Variants in RBFOX3 observed in about 807,000 individuals in gnomAD.
RBFOX3 encodes the protein RNA binding protein fox-1 homolog 3.
RBFOX3 carries 17 observed loss-of-function variants against 48.7 expected under a neutral mutation model. The ratio of observed to expected loss-of-function variants is 0.35; its 90% confidence interval spans 0.24 to 0.52. The LOEUF is 0.52. Among genes scored for constraint, RBFOX3 ranks in the 20% least tolerant of loss-of-function variants. The probability of loss-of-function intolerance (pLI) is 0.94; values close to 1 mark genes in which losing one functional copy is unlikely to be tolerated. For missense variants in RBFOX3, 382 were observed against 497.5 expected, an observed-to-expected ratio of 0.77 and a Z score of 2.21; for synonymous variants, 212 against 209.5, an observed-to-expected ratio of 1.01 and a Z score of -0.10.
chr17:79,177,337 A>G (rs2050793958), intron 4 of RBFOX3, among the ~76,000 whole-genome samples: 2 of 152,198 alleles, frequency 1.3e-5, no homozygotes, highest in African/African-American at 4.8e-5. Context: ...CACCTCCTCC[A>G]AGGACGGCAG....
At chr17:79,607,210 G>A (rs1462959114) in intron 1 of RBFOX3, among the ~76,000 whole-genome samples, 3 of 152,118 alleles carry the variant, frequency 2.0e-5, no homozygotes, top group Admixed American at 6.5e-5. Flanking sequence ...CAACAAACGG[G>A]TCTCTGTTGA....
At chr17:79,542,399 A>G (rs956835290) in intron 1 of RBFOX3, among the ~76,000 whole-genome samples, 4 of 152,220 alleles carry the variant, frequency 2.6e-5, no homozygotes, top group Non-Finnish European at 5.9e-5. Flanking sequence ...CTAGATGAGG[A>G]AATCAGGAAG....
At chr17:79,385,339 CA>C (rs1355647446) in intron 2 of RBFOX3, among the ~76,000 whole-genome samples, 7 of 152,212 alleles carry the variant, frequency 4.6e-5, no homozygotes, top group Non-Finnish European at 1.5e-5. Flanking sequence ...CATGGGAAGT[CA>C]GGCAAGACCC....
At chr17:79,105,626 G>C (rs1343766263) in intron 6 of RBFOX3, among the ~76,000 whole-genome samples, 4 of 152,216 alleles carry the variant, frequency 2.6e-5, no homozygotes, top group Non-Finnish European at 5.9e-5. Flanking sequence ...GATCACGTCA[G>C]GGGGTAGGTG....
rs979149225 is a variant in RBFOX3 at position 79,582,464 on chromosome 17, G to A, written c.-320+28362C>T. 7.9e-3 allele frequency among the ~76,000 whole-genome samples: 1,208 copies of A among 152,282 alleles called. 18 individuals carry two copies. Among genetic ancestry groups the A allele is most frequent in the African/African-American group, 0.028 (1,149 of 41,548 alleles). ...CTTTGTCCATCCCTGATGACTTGGG[G>A]AAGGGGAAGACAAGATCTTTCTCTT... On this transcript the variant is annotated intron_variant, in intron 1 of 14. Coordinates refer to ENST00000693108, the MANE Select transcript of RBFOX3 (RefSeq NM_001350451.2).
At position 79,362,480 on chromosome 17, in the gene RBFOX3, G is replaced by T. The variant is rs115925967; in HGVS notation, c.-174-54656C>A. ...GCGGTGGGCGTGGAAGGCCACCTGC[G>T]CTGGGCCTGGATGGCACTAGGCTGA... On this transcript the variant is annotated intron_variant, in intron 2 of 14. Coordinates refer to ENST00000693108, the MANE Select transcript of RBFOX3 (RefSeq NM_001350451.2). The surrounding 1 kb of genome is among the most constrained non-coding windows in gnomAD (Gnocchi z 4.2). Among the ~76,000 whole-genome samples, 1 of 152,140 alleles carries T rather than the reference G, an allele frequency of 6.6e-6. No homozygotes were observed. The highest frequency in any genetic ancestry group is 2.1e-4 in the South Asian group (1 of 4,824).
chr17:79,478,397 C>T (rs2078277450), intron 2 of RBFOX3, among the ~76,000 whole-genome samples: 1 of 152,042 alleles, frequency 6.6e-6, no homozygotes, highest in East Asian at 1.9e-4. Context: ...GCGGCAGCTC[C>T]CGCTCCCATC....
At chr17:79,193,122 G>C (rs987633653) in intron 4 of RBFOX3, among the ~76,000 whole-genome samples, 1 of 152,240 alleles carries the variant, frequency 6.6e-6, no homozygotes, top group Non-Finnish European at 1.5e-5. Flanking sequence ...TCACTTGCTC[G>C]GTGGGGGCAG....
At position 79,220,378 on chromosome 17, in the gene RBFOX3, G is replaced by T. The variant is rs1196506369; in HGVS notation, c.-34+15388C>A. Among the ~76,000 whole-genome samples the T allele has an allele frequency of 6.6e-6, 1 of 152,046 alleles. No individual in the cohort carries two copies. Among genetic ancestry groups the T allele is most frequent in the Non-Finnish European group, 1.5e-5 (1 of 68,010 alleles). On this transcript the variant is annotated intron_variant, in intron 4 of 14. Transcript: ENST00000693108. The surrounding 1 kb of genome is among the most constrained non-coding windows in gnomAD (Gnocchi z 5.9). ...CGGCTCTCCTCTCTGCCTCCCGCTC[G>T]CTCCTGCTCACTCCAGGTCCTCTCT...
At chr17:79,417,614 T>C (rs1341734976) in intron 2 of RBFOX3, among the ~76,000 whole-genome samples, 2 of 152,116 alleles carry the variant, frequency 1.3e-5, no homozygotes, top group African/African-American at 2.4e-5. Context: ...CCCTCATGCA[T>C]TGCTGGTGGG....
chr17:79,211,250 G>C (rs1352448899), intron 4 of RBFOX3, among the ~76,000 whole-genome samples: 4 of 152,202 alleles, frequency 2.6e-5, no homozygotes, highest in Non-Finnish European at 4.4e-5. Flanking sequence ...TCCGTCGTGG[G>C]GAGGCACAAG....
chr17:79,096,620 T>TGCCCCCCC, intron 12 of RBFOX3, 33 bp downstream of exon 12: 1 of 1,502,346 alleles, frequency 6.7e-7, no homozygotes, highest in Non-Finnish European at 9.1e-7. Context: ...GAACGCCTGA[T>TGCCCCCCC]CCCACCCTCC....
chr17:79,268,602 C>T (rs2067142099), intron 3 of RBFOX3, among the ~76,000 whole-genome samples: 1 of 152,178 alleles, frequency 6.6e-6, no homozygotes, highest in African/African-American at 2.4e-5. Flanking sequence ...ACCCCAAGCC[C>T]CTGGCCTGCA....
chr17:79,377,480 G>A (rs906973715), intron 2 of RBFOX3, among the ~76,000 whole-genome samples: 2 of 152,282 alleles, frequency 1.3e-5, no homozygotes, highest in African/African-American at 4.8e-5. Context: ...CACACACCAT[G>A]CTCAGCGACA....
chr17:79,537,083 CAAACA>C (rs1157121055), intron 1 of RBFOX3, among the ~76,000 whole-genome samples: 6 of 139,430 alleles, frequency 4.3e-5, no homozygotes, highest in Admixed American at 3.7e-4. Flanking sequence ...GACTCCGTCT[CAAACA>C]AAACAAAACA....
intron 2 of RBFOX3, among the ~76,000 whole-genome samples, chr17:79,416,329 C>A (rs2065348532): frequency 6.6e-6 from 1 of 152,236 alleles, no homozygotes; most frequent in Non-Finnish European, 1.5e-5. Flanking sequence ...ATGGCCCCTG[C>A]CAAACCAGCC....
chr17:79,101,554 G>A (rs1356109141), intron 9 of RBFOX3, 30 bp downstream of exon 9: 8 of 1,539,900 alleles, frequency 5.2e-6, no homozygotes, highest in Non-Finnish European at 6.2e-6. Context: ...AGTGACCCCA[G>A]CAGCCTTGTG....
chr17:79,466,980 C>T (rs1017471015), intron 2 of RBFOX3, among the ~76,000 whole-genome samples: 81 of 152,362 alleles, frequency 5.3e-4, no homozygotes, highest in African/African-American at 1.8e-3. Flanking sequence ...ACATCCCTGT[C>T]TGTGAACCAG....
intron 4 of RBFOX3, among the ~76,000 whole-genome samples, chr17:79,156,809 C>T (rs1010694259): frequency 3.3e-5 from 5 of 152,152 alleles, no homozygotes. Context: ...ACAGGGTGAG[C>T]CTGGCTTGCT....
Sources: allele counts gnomAD v4.1 joint callset (sites outside exome capture counted in the v4.1 genomes callset), GRCh38; gene constraint gnomAD v4.1.1; non-coding constraint Gnocchi (gnomAD v3.1); transcripts MANE v1.5; gene names NCBI Gene and HGNC (gene_info 2026-07-23, HGNC 2026-07-21).